The following NDST3 variants were observed in gnomAD, a reference collection of about 807,000 sequenced individuals.
NDST3 encodes the protein bifunctional heparan sulfate N-deacetylase/N-sulfotransferase 3.
Under a neutral mutation model 96.1 loss-of-function variants are expected in NDST3, and 58 were observed. That is an observed-to-expected ratio of 0.60 (90% CI 0.49 to 0.75). The LOEUF is 0.75. NDST3 is among the 30% of genes least tolerant of loss of function. NDST3 has a pLI of 0.00. For synonymous variants in NDST3, 333 were observed against 359.7 expected (o/e 0.93, Z 0.84); for missense variants, 788 against 1,034.2 (o/e 0.76, Z 3.27).
intron 6 of NDST3, among the ~76,000 whole-genome samples, chr4:118,160,332 G>A (rs1449875268): frequency 6.6e-6 from 1 of 152,102 alleles, no homozygotes; most frequent in Non-Finnish European, 1.5e-5. Flanking sequence ...AATAATGAAG[G>A]AGGAGCTTCT....
intron 1 of NDST3, among the ~76,000 whole-genome samples, chr4:118,037,791 G>A (rs1039004480): frequency 2.6e-5 from 4 of 152,174 alleles, no homozygotes; most frequent in African/African-American, 9.7e-5. Context: ...CTGTTAGGTT[G>A]AGTCTCACTT....
At chr4:118,210,774 CA>C (rs34418586) in intron 6 of NDST3, among the ~76,000 whole-genome samples, 30,529 of 86,502 alleles carry the variant, frequency 0.35, 3,220 homozygotes, top group East Asian at 0.55. Context: ...GACTCCATCT[CA>C]AAAAAAAAAA....
intron 1 of NDST3, among the ~76,000 whole-genome samples, chr4:118,040,882 TTTA>T (rs1467107467): frequency 1.4e-5 from 2 of 143,598 alleles, no homozygotes; most frequent in African/African-American, 5.1e-5. Flanking sequence ...TATATATATA[TTTA>T]TATATATATA....
chr4:118,115,035 T>C lies in NDST3; in HGVS notation c.1224+75T>C, dbSNP rs183861552. The C allele has an allele frequency of 1.1e-4, 170 of 1,491,446 alleles. 1 individual carries two copies. The African/African-American group carries it at 2.1e-3, about 19-fold the overall frequency. The allele number at this position is 1,491,446 out of a possible 1,614,324, so 92.4% of individuals were successfully genotyped here. ...ATGAAAAGATTCTTACATTGTGGCA[T>C]AGTTGCGCTTTTCAGTGGCTTTTCC... On this transcript the variant is annotated intron_variant, in intron 4 of 13. Coordinates refer to ENST00000296499, the MANE Select transcript of NDST3 (RefSeq NM_004784.3).
At chr4:118,131,095 C>T (rs370376110) in intron 4 of NDST3, among the ~76,000 whole-genome samples, 5 of 152,104 alleles carry the variant, frequency 3.3e-5, no homozygotes, top group Admixed American at 2.0e-4. Context: ...TTCTTGTACT[C>T]GAATGTTGAT....
chr4:118,189,900 T>A (rs1194773042), intron 6 of NDST3, among the ~76,000 whole-genome samples: 1 of 152,174 alleles, frequency 6.6e-6, no homozygotes, highest in Non-Finnish European at 1.5e-5. Flanking sequence ...TTGTCATCTT[T>A]CGACCACACA....
At chr4:118,204,958 A>C (rs982924128) in intron 6 of NDST3, among the ~76,000 whole-genome samples, 1 of 144,520 alleles carries the variant, frequency 6.9e-6, no homozygotes, top group Non-Finnish European at 1.5e-5. Flanking sequence ...CACTCACTCT[A>C]TATCTGTGTA....
intron 6 of NDST3, among the ~76,000 whole-genome samples, chr4:118,209,437 C>T (rs1370919177): frequency 1.3e-5 from 2 of 152,058 alleles, no homozygotes; most frequent in African/African-American, 2.4e-5. Context: ...CAAAATTAAT[C>T]GAAAATTGGT....
intron 6 of NDST3, among the ~76,000 whole-genome samples, chr4:118,180,792 T>A (rs887501158): frequency 2.6e-5 from 4 of 152,188 alleles, no homozygotes; most frequent in African/African-American, 9.6e-5. Flanking sequence ...ACAGTCATCT[T>A]ATTTTTCAGT....
Position 118,085,117 on chromosome 4 carries a change from C to T in NDST3, c.982-19901C>T, listed in dbSNP as rs967902735. ...CAGCCTGGGCGACAGAGCGAGACTC[C>T]GTAAAAACAACAACAACAACAACAA... On this transcript the variant is annotated intron_variant, in intron 2 of 13. Coordinates refer to ENST00000296499, the MANE Select transcript of NDST3 (RefSeq NM_004784.3). 3.5e-4 allele frequency among the ~76,000 whole-genome samples: 29 copies of T among 84,040 alleles called. 1 individual carries two copies. The Middle Eastern group carries it at 0.016, about 47-fold the overall frequency. 55.1% of individuals were successfully genotyped at this position (84,040 alleles called of 152,430 possible). A position where few individuals can be genotyped will look rare whatever the true frequency, so the allele number is the denominator to read the frequency against.
chr4:118,144,307 A>C (rs1733786982), intron 6 of NDST3, among the ~76,000 whole-genome samples: 1 of 151,892 alleles, frequency 6.6e-6, no homozygotes. Context: ...CAGCCTCCCG[A>C]GTAGCTGGGA....
chr4:118,180,060 G>A (rs940121058), intron 6 of NDST3, among the ~76,000 whole-genome samples: 1 of 152,038 alleles, frequency 6.6e-6, no homozygotes, highest in Non-Finnish European at 1.5e-5. Flanking sequence ...TGGAGGAAGA[G>A]GAGAGGTAAG....
intron 6 of NDST3, among the ~76,000 whole-genome samples, chr4:118,205,895 C>CAT (rs1738409851): frequency 7.3e-6 from 1 of 137,214 alleles, no homozygotes; most frequent in Non-Finnish European, 1.6e-5. Context: ...TGCAGTGCCG[C>CAT]GATCTCGGCT....
chr4:118,237,464 CTAAATTA>C (rs1740717534), intron 10 of NDST3, among the ~76,000 whole-genome samples: 2 of 151,744 alleles, frequency 1.3e-5, no homozygotes, highest in South Asian at 4.2e-4. Flanking sequence ...ATAAAAGAAA[CTAAATTA>C]AAATATAACA....
chr4:118,177,866 G>A (rs971040499), intron 6 of NDST3, among the ~76,000 whole-genome samples: 4 of 151,866 alleles, frequency 2.6e-5, no homozygotes, highest in Non-Finnish European at 4.4e-5. Flanking sequence ...TGAAGGAGTG[G>A]AGAAGGCAAC....
intron 6 of NDST3, among the ~76,000 whole-genome samples, chr4:118,181,165 C>T (rs953951019): frequency 7.9e-5 from 12 of 152,076 alleles, no homozygotes; most frequent in Non-Finnish European, 1.6e-4. Context: ...TGTGTTGTTC[C>T]TCAAAGGGTA....
At chr4:118,052,006 T>C (rs926054068) in intron 1 of NDST3, among the ~76,000 whole-genome samples, 1 of 152,118 alleles carries the variant, frequency 6.6e-6, no homozygotes, top group East Asian at 1.9e-4. Flanking sequence ...AACAGAGCTA[T>C]CACTTGACCA....
At chr4:118,108,500 C>T (rs1730385079) in intron 3 of NDST3, among the ~76,000 whole-genome samples, 1 of 151,750 alleles carries the variant, frequency 6.6e-6, no homozygotes, top group Non-Finnish European at 1.5e-5. Context: ...TGATGAGTAC[C>T]TTCAAGGGTT....
At chr4:118,035,506 G>C (rs1377471646) in intron 1 of NDST3, among the ~76,000 whole-genome samples, 1 of 150,254 alleles carries the variant, frequency 6.7e-6, no homozygotes, top group Non-Finnish European at 1.5e-5. Flanking sequence ...CACCACCAGA[G>C]AGCAGGATGA....
Sources: allele counts gnomAD v4.1 joint callset (sites outside exome capture counted in the v4.1 genomes callset), GRCh38; gene constraint gnomAD v4.1.1; transcripts MANE v1.5; gene names NCBI Gene and HGNC (gene_info 2026-07-23, HGNC 2026-07-21).